The following TMEM132B variants were observed in gnomAD, a reference collection of about 807,000 sequenced individuals.
TMEM132B encodes the protein transmembrane protein 132B.
TMEM132B carries 18 observed loss-of-function variants against 90.8 expected under a neutral mutation model. The observed-to-expected ratio is 0.20, with a 90% CI of 0.14 to 0.29. The LOEUF is 0.29. TMEM132B is among the 10% of genes least tolerant of loss of function. The pLI, the probability that TMEM132B is intolerant of heterozygous loss-of-function variation, is 1.00. For missense variants in TMEM132B, 1,096 were observed against 1,326.8 expected, an observed-to-expected ratio of 0.83 and a Z score of 2.70; for synonymous variants, 504 against 523.3, an observed-to-expected ratio of 0.96 and a Z score of 0.50.
chr12:125,422,099 A>C (rs1485092599), intron 3 of TMEM132B, among the ~76,000 whole-genome samples: 1 of 152,238 alleles, frequency 6.6e-6, no homozygotes, highest in African/African-American at 2.4e-5. Context: ...TTATTTAAAA[A>C]ATCTATTGAA....
intron 4 of TMEM132B, among the ~76,000 whole-genome samples, chr12:125,541,316 C>G (rs1346725926): frequency 6.6e-6 from 1 of 152,220 alleles, no homozygotes; most frequent in Non-Finnish European, 1.5e-5. Context: ...CAGGCAGCCT[C>G]TTATGCGGGA....
At chr12:125,301,246 T>A (rs1356277977) in intron 1 of TMEM132B, 1 of 152,150 alleles carries the variant, frequency 6.6e-6, no homozygotes, top group Non-Finnish European at 1.5e-5. Flanking sequence ...TATAGAGGGA[T>A]CTATGTGGAG....
chr12:125,189,795 T>C (rs1057242956), intron 1 of TMEM132B, among the ~76,000 whole-genome samples: 14 of 152,162 alleles, frequency 9.2e-5, no homozygotes, highest in Non-Finnish European at 7.4e-5. Flanking sequence ...CCCTCATTTG[T>C]TGGCTGGGAG....
intron 3 of TMEM132B, among the ~76,000 whole-genome samples, chr12:125,434,227 C>A (rs918072343): frequency 5.3e-5 from 8 of 152,158 alleles, no homozygotes; most frequent in African/African-American, 1.9e-4. Flanking sequence ...ATTCTCCGAC[C>A]CTGACGCTCC....
rs115200977 is a variant in TMEM132B at position 125,303,866 on chromosome 12, A to G, written c.68-45586A>G. Among the ~76,000 whole-genome samples, 570 of 152,328 alleles carry G rather than the reference A, an allele frequency of 3.7e-3. 10 individuals are homozygous for G. Among genetic ancestry groups the G allele is most frequent in the African/African-American group, 0.013 (544 of 41,562 alleles). On this transcript the variant is annotated intron_variant, in intron 1 of 8. Transcript: ENST00000682704. ...TTGTTGCTAAGTTGTAGAAGTTTCT[A>G]TTCTCTGGATAGTAAACCCTTATCA...
intron 1 of TMEM132B, among the ~76,000 whole-genome samples, chr12:125,282,027 CAAAAAAAAAAAA>C (rs869083244): frequency 3.1e-4 from 5 of 16,056 alleles, no homozygotes; most frequent in Non-Finnish European, 4.5e-4. Flanking sequence ...GACTCCGTCT[CAAAAAAAAAAAA>C]AAAAAAAAAA....
chr12:125,329,287 A>G (rs897800233), intron 1 of TMEM132B, among the ~76,000 whole-genome samples: 4 of 152,182 alleles, frequency 2.6e-5, no homozygotes, highest in African/African-American at 4.8e-5. Flanking sequence ...TGAGAAATGA[A>G]TATCTGTTGT....
chr12:125,399,458 A>AGTGTGTGT (rs139362756), intron 2 of TMEM132B, among the ~76,000 whole-genome samples: 19 of 132,726 alleles, frequency 1.4e-4, no homozygotes, highest in African/African-American at 5.3e-4. Flanking sequence ...TGAAGAAGGA[A>AGTGTGTGT]GTGTGTGTGT....
intron 3 of TMEM132B, among the ~76,000 whole-genome samples, chr12:125,516,482 A>G (rs1208266473): frequency 6.6e-6 from 1 of 152,216 alleles, no homozygotes; most frequent in Non-Finnish European, 1.5e-5. Context: ...ACCTGTACAT[A>G]AAAGAAGCTC....
intron 4 of TMEM132B, among the ~76,000 whole-genome samples, chr12:125,538,814 A>G (rs946815279): frequency 6.6e-6 from 1 of 152,150 alleles, no homozygotes; most frequent in Non-Finnish European, 1.5e-5. Flanking sequence ...TGTATCAGCA[A>G]ATGGCACCAT....
At chr12:125,331,300 A>G (rs929656096) in intron 1 of TMEM132B, among the ~76,000 whole-genome samples, 1 of 152,230 alleles carries the variant, frequency 6.6e-6, no homozygotes, top group Admixed American at 6.5e-5. Context: ...ATTGCATTCC[A>G]GGAAAAGGGG....
intron 3 of TMEM132B, among the ~76,000 whole-genome samples, chr12:125,495,014 C>T (rs1882510609): frequency 8.2e-6 from 1 of 122,492 alleles, no homozygotes. Context: ...TCCCTCTCCT[C>T]CCTGGAAGAA....
At position 125,650,791 on chromosome 12, in the gene TMEM132B, G is replaced by C; in HGVS notation, c.1752G>C (p.Glu584Asp). The C allele has an allele frequency of 6.2e-7, 1 of 1,614,236 alleles. No homozygotes were observed. Among genetic ancestry groups the C allele is most frequent in the Non-Finnish European group, 8.5e-7 (1 of 1,180,046 alleles). Residue 584 changes from glutamate (E) to aspartate (D), a missense_variant, in exon 7 of 9, where the codon GAG becomes GAC. Glu to Asp is a conservative substitution (Grantham distance 45). Coordinates refer to ENST00000682704, the MANE Select transcript of TMEM132B (RefSeq NM_001366854.1). ...GTGTCCTCACCCAGTTTGTGGCCGA[G>C]TCACCTGACTTAGGGCAGCTGACCT... ...TVRVLTQFVA[E>D]SPDLGQLTYM...
At chr12:125,540,726 A>G (rs1157129728) in intron 4 of TMEM132B, among the ~76,000 whole-genome samples, 1 of 152,136 alleles carries the variant, frequency 6.6e-6, no homozygotes, top group Non-Finnish European at 1.5e-5. Flanking sequence ...AATCTCTCCT[A>G]GTTCTACCCT....
At chr12:125,539,124 C>A (rs1592982259) in intron 4 of TMEM132B, among the ~76,000 whole-genome samples, 1 of 152,176 alleles carries the variant, frequency 6.6e-6, no homozygotes, top group Admixed American at 6.5e-5. Context: ...TTGTATGAGT[C>A]CCCTGATGAA....
intron 5 of TMEM132B, among the ~76,000 whole-genome samples, chr12:125,643,296 T>G (rs977916460): frequency 6.6e-6 from 1 of 152,202 alleles, no homozygotes; most frequent in African/African-American, 2.4e-5. Context: ...TGTCCTCTGC[T>G]CATGAAACGA....
intron 3 of TMEM132B, among the ~76,000 whole-genome samples, chr12:125,425,327 G>T (rs758832244): frequency 4.6e-5 from 7 of 152,116 alleles, no homozygotes; most frequent in Non-Finnish European, 1.0e-4. Context: ...AGCAGTTTTA[G>T]GTTTACAGAA....
rs1467285673 is a variant in TMEM132B, at chr12:125,658,885, A to G, written c.*4175A>G. 6.6e-6 allele frequency: 1 copy of G among 152,164 alleles called. No individual in the cohort carries two copies. The highest frequency in any genetic ancestry group is 1.5e-5 in the Non-Finnish European group (1 of 68,036). The allele number at this position is 152,164 out of a possible 1,614,324, so 9.4% of individuals were successfully genotyped here. ...GGGATTGATGATGGAATCTGCCAGA[A>G]CATTTTCATCTTATTCTTCTTGACT... On this transcript the variant is annotated 3_prime_UTR_variant, in exon 9 of 9. Transcript: ENST00000682704.
At chr12:125,413,890 C>A (rs201877617) in intron 2 of TMEM132B, among the ~76,000 whole-genome samples, 1 of 151,806 alleles carries the variant, frequency 6.6e-6, no homozygotes, top group African/African-American at 2.4e-5. Context: ...TATGGTAATT[C>A]TGTTTAACTT....
Sources: gnomAD v4.1 joint callset for allele counts (sites outside exome capture counted in the v4.1 genomes callset) on GRCh38, gnomAD v4.1.1 for gene constraint, MANE v1.5 for transcripts, NCBI Gene and HGNC (gene_info 2026-07-23, HGNC 2026-07-21) for gene names.